The following DDX24 variants were observed in gnomAD, a reference collection of about 807,000 sequenced individuals.
DDX24 encodes DEAD-box helicase 24, also known as ATP-dependent RNA helicase DDX24.
DDX24 carries 24 observed loss-of-function variants against 68.9 expected under a neutral mutation model. That is an observed-to-expected ratio of 0.35 (90% CI 0.25 to 0.49). The LOEUF (loss-of-function observed/expected upper bound fraction) is 0.49, where lower values mean the gene tolerates loss of function less well. Among genes scored for constraint, DDX24 ranks in the 20% least tolerant of loss-of-function variants. The pLI, the probability that DDX24 is intolerant of heterozygous loss-of-function variation, is 0.99. For missense variants in DDX24, 989 were observed against 1,039.0 expected (o/e 0.95, Z 0.66); for synonymous variants, 395 against 385.2 (o/e 1.03, Z -0.30).
chr14:94,051,389 G>A lies in DDX24; in HGVS notation c.2382C>T (p.His794=). 4 of 1,610,076 alleles carry A rather than the reference G, an allele frequency of 2.5e-6. No homozygotes were observed. The highest frequency in any genetic ancestry group is 3.4e-6 in the Non-Finnish European group (4 of 1,178,590). Residue 794 remains histidine (H), a synonymous_variant, in exon 9 of 9, where the codon CAC becomes CAT. Transcript: ENST00000621632. The part of the protein sequence containing the change: ...QMKVLKKELR[H]LLSQPLFTES... ...CCGTAAACAGTGGCTGGGACAGCAGGTGGCGCAGCTCCTTCTTCAGAACCT... is the reference window on the plus strand; with the variant it reads ...CCGTAAACAGTGGCTGGGACAGCAGATGGCGCAGCTCCTTCTTCAGAACCT...
intron 2 of DDX24, among the ~76,000 whole-genome samples, chr14:94,067,991 G>A (rs773034693): frequency 7.2e-5 from 11 of 152,128 alleles, no homozygotes; most frequent in Admixed American, 2.6e-4. Flanking sequence ...CATGAGGAAC[G>A]CAAGGGTACC....
rs557174725 is a variant in DDX24, at chr14:94,062,117, T to A, written c.1223A>T (p.Asp408Val). Residue 408 changes from aspartate (D) to valine (V), a missense_variant, in exon 3 of 9, where the codon GAT becomes GTT. By Grantham distance (152) the Asp-to-Val change is radical. Coordinates refer to ENST00000621632, the MANE Select transcript of DDX24 (RefSeq NM_020414.4). The part of the protein sequence containing the change: ...ELAVQVKQHI[D>V]AVARFTGIKT... ...CTCACCTGTAAACCTGGCCACAGCA[T>A]CAATGTGCTGTTTGACCTGGACGGC... 5 of 1,612,766 alleles carry A rather than the reference T, an allele frequency of 3.1e-6. No homozygotes were observed. The South Asian group carries it at 5.5e-5, about 18-fold the overall frequency.
Position 94,055,423 on chromosome 14 carries a change from T to G in DDX24, c.1990-239A>C, listed in dbSNP as rs1885474832. The G allele has an allele frequency of 1.2e-5, 6 of 520,036 alleles. No individual in the cohort carries two copies. The South Asian group carries it at 1.7e-4, about 15-fold the overall frequency. The allele number at this position is 520,036 out of a possible 1,614,324, so 32.2% of individuals were successfully genotyped here. ...ATGCCCCTGACCCTGGTTCAGGTCC[T>G]CAGGACCATGCAGCCAGACCACAGC... is the stretch of plus-strand genomic sequence containing the variant. On this transcript the variant is annotated intron_variant, in intron 6 of 8. Coordinates refer to ENST00000621632, the MANE Select transcript of DDX24 (RefSeq NM_020414.4).
chr14:94,060,325 C>T lies in DDX24; in HGVS notation c.1686G>A (p.Thr562=), dbSNP rs749128288. ...CACAATGGATCTTGGTCTCTGTTAG[C>T]GTCTCCACCGTGGCCTCATTCCTTG... ...DLTRNEATVE[T]LTETKIHCET... The change falls in exon 5 of 9, where the codon ACG becomes ACA. Residue 562 remains threonine (T), a synonymous_variant. Coordinates refer to ENST00000621632, the MANE Select transcript of DDX24 (RefSeq NM_020414.4). The T allele has an allele frequency of 3.7e-5, 59 of 1,614,056 alleles. No individual in the cohort carries two copies. The Middle Eastern group carries it at 6.6e-4, about 18-fold the overall frequency.
intron 6 of DDX24, chr14:94,055,832 C>T (rs1885481986): frequency 6.6e-6 from 1 of 152,360 alleles, no homozygotes; most frequent in Admixed American, 6.5e-5. Flanking sequence ...AACACATACC[C>T]TCTTCTCACT....
intron 2 of DDX24, among the ~76,000 whole-genome samples, chr14:94,076,012 TACC>T (rs1885932300): frequency 6.6e-6 from 1 of 152,254 alleles, no homozygotes; most frequent in Non-Finnish European, 1.5e-5. Flanking sequence ...CTTGAACTCA[TACC>T]ACCTAGTGAC....
chr14:94,078,405 TGTCATTGCTTCCAAAA>T (rs1885989756), intron 2 of DDX24, among the ~76,000 whole-genome samples: 1 of 152,230 alleles, frequency 6.6e-6, no homozygotes, highest in African/African-American at 2.4e-5. Context: ...AAAGTCAACC[TGTCATTGCTTCCAAAA>T]GTCTCGCAGG....
intron 2 of DDX24, among the ~76,000 whole-genome samples, chr14:94,078,223 G>A (rs1187450188): frequency 6.6e-6 from 1 of 152,160 alleles, no homozygotes; most frequent in Non-Finnish European, 1.5e-5. Context: ...TTTTATATCA[G>A]AGACTTGAGC....
rs1885613706 is a variant in DDX24 at position 94,062,325 on chromosome 14, C to T, written c.1015G>A (p.Glu339Lys). Residue 339 changes from glutamate (E) to lysine (K), a missense_variant, in exon 3 of 9, where the codon GAA (glutamate) becomes AAA (lysine). Around this residue, in one of 3 missense-constraint regions of DDX24, gnomAD observed 691 missense variants for 760.0 expected, o/e 0.91. Coordinates refer to ENST00000621632, the MANE Select transcript of DDX24 (RefSeq NM_020414.4). ...ALLFGDDDAGEGPSSLIREKP... is the reference protein window; with the variant it reads ...ALLFGDDDAGKGPSSLIREKP... ...TCCCTGATCAGGGAAGAAGGCCCTTCACCAGCATCATCGTCACCAAAGAGC... is the reference window on the plus strand; with the variant it reads ...TCCCTGATCAGGGAAGAAGGCCCTTTACCAGCATCATCGTCACCAAAGAGC... The T allele has an allele frequency of 2.5e-6, 4 of 1,614,244 alleles. No homozygotes were observed. The East Asian group carries it at 6.7e-5, about 27-fold the overall frequency.
chr14:94,066,117 C>T (rs565947735), intron 2 of DDX24, among the ~76,000 whole-genome samples: 75 of 152,258 alleles, frequency 4.9e-4, no homozygotes, highest in Non-Finnish European at 9.6e-4. Flanking sequence ...GGCAAGTTTT[C>T]AAGCCCTCCT....
At chr14:94,052,477 C>T (rs970249575) in intron 8 of DDX24, among the ~76,000 whole-genome samples, 9 of 152,192 alleles carry the variant, frequency 5.9e-5, no homozygotes, top group East Asian at 1.9e-4. Context: ...CATGGAAGTG[C>T]TTTGTCAGCT....
chr14:94,057,867 A>C lies in DDX24; in HGVS notation c.1944T>G (p.Ala648=). The C allele has an allele frequency of 6.2e-7, 1 of 1,613,988 alleles. No individual in the cohort carries two copies. Among genetic ancestry groups the C allele is most frequent in the Non-Finnish European group, 8.5e-7 (1 of 1,179,960 alleles). ...GGACTTTAGGAATATCCAGACCCCG[A>C]GCTGCCACATCTGTTGCCAAGAGAA... ...DCVLLATDVA[A]RGLDIPKVQH... is the part of the protein sequence containing the mutation. Residue 648 remains alanine, a synonymous_variant, in exon 6 of 9, where the codon GCT becomes GCG. Coordinates refer to ENST00000621632, the MANE Select transcript of DDX24 (RefSeq NM_020414.4).
intron 2 of DDX24, among the ~76,000 whole-genome samples, chr14:94,068,087 T>A (rs1440709282): frequency 1.3e-5 from 2 of 152,146 alleles, no homozygotes; most frequent in Admixed American, 6.5e-5. Flanking sequence ...GCAGAACTCA[T>A]CAACCAACTA....
At chr14:94,070,319 G>A (rs543556188) in intron 2 of DDX24, among the ~76,000 whole-genome samples, 2 of 151,430 alleles carry the variant, frequency 1.3e-5, no homozygotes, top group East Asian at 1.9e-4. Context: ...GTCAAAAGAC[G>A]TCCACAAGGA....
intron 2 of DDX24, among the ~76,000 whole-genome samples, chr14:94,069,305 T>C (rs772616863): frequency 1.3e-5 from 2 of 152,012 alleles, no homozygotes; most frequent in African/African-American, 4.8e-5. Flanking sequence ...CCCTCCTAGC[T>C]TAAGTCAGGA....
chr14:94,075,829 A>T (rs1039978981), intron 2 of DDX24, among the ~76,000 whole-genome samples: 1 of 152,042 alleles, frequency 6.6e-6, no homozygotes, highest in African/African-American at 2.4e-5. Flanking sequence ...TCCCTATTTT[A>T]AAAATGGGCA....
intron 5 of DDX24, 27 bp from the exon 6 acceptor site, chr14:94,057,924 A>G (rs574888540): frequency 5.0e-6 from 8 of 1,604,062 alleles, no homozygotes; most frequent in Non-Finnish European, 6.8e-6. Context: ...AAGCTTATTA[A>G]TAATAACTAA....
chr14:94,064,904 G>A (rs1464610275), intron 2 of DDX24, among the ~76,000 whole-genome samples: 2 of 152,176 alleles, frequency 1.3e-5, no homozygotes, highest in African/African-American at 2.4e-5. Flanking sequence ...CCCTTAACCT[G>A]TAAGGAATGA....
chr14:94,075,303 A>G (rs2097178808), intron 2 of DDX24, among the ~76,000 whole-genome samples: 1 of 152,238 alleles, frequency 6.6e-6, no homozygotes, highest in African/African-American at 2.4e-5. Context: ...CATAAAGACT[A>G]GACAAACAGA....
Sources: allele counts gnomAD v4.1 joint callset (sites outside exome capture counted in the v4.1 genomes callset), GRCh38; gene constraint gnomAD v4.1.1; regional missense constraint gnomAD v4.1.1; transcripts MANE v1.5; gene names NCBI Gene and HGNC (gene_info 2026-07-23, HGNC 2026-07-21).